Variants in NEO1 observed in about 807,000 individuals in gnomAD.
The protein encoded by NEO1 is neogenin.
Under a neutral mutation model 159.7 loss-of-function variants are expected in NEO1, and 63 were observed. The ratio of observed to expected loss-of-function variants is 0.39; its 90% confidence interval spans 0.32 to 0.49. The LOEUF (loss-of-function observed/expected upper bound fraction) is 0.49, where lower values mean the gene tolerates loss of function less well. Among genes scored for constraint, NEO1 ranks in the 20% least tolerant of loss-of-function variants. The pLI is 0.85. For synonymous variants in NEO1, 633 were observed against 662.0 expected, an observed-to-expected ratio of 0.96 and a Z score of 0.67; for missense variants, 1,615 against 1,831.0, an observed-to-expected ratio of 0.88 and a Z score of 2.15.
At chr15:73,130,241 T>A (rs2030910491) in intron 4 of NEO1, among the ~76,000 whole-genome samples, 1 of 152,034 alleles carries the variant, frequency 6.6e-6, no homozygotes, top group African/African-American at 2.4e-5. Context: ...CCCAAAATGC[T>A]GGGATTACAG....
At chr15:73,057,347 TA>T (rs1220584888) in intron 1 of NEO1, among the ~76,000 whole-genome samples, 1 of 152,214 alleles carries the variant, frequency 6.6e-6, no homozygotes, top group African/African-American at 2.4e-5. Flanking sequence ...AATCTCATTA[TA>T]TGGAGGCTGT....
intron 1 of NEO1, among the ~76,000 whole-genome samples, chr15:73,056,407 C>T (rs955749316): frequency 1.3e-5 from 2 of 152,222 alleles, no homozygotes; most frequent in Non-Finnish European, 2.9e-5. Context: ...TACTTTTCAT[C>T]TTCTGTTACT....
intron 18 of NEO1, 24 bp from the exon 19 acceptor site, chr15:73,272,431 A>G (rs768477164): frequency 4.5e-6 from 7 of 1,559,822 alleles, no homozygotes; most frequent in Non-Finnish European, 6.2e-6. Flanking sequence ...GACAGAAATT[A>G]TTAAAAATTT....
chr15:73,275,860 TA>T (rs1380326651), intron 21 of NEO1, among the ~76,000 whole-genome samples: 3 of 152,292 alleles, frequency 2.0e-5, no homozygotes, highest in South Asian at 4.1e-4. Context: ...GAATGAACAT[TA>T]AAAGTAAATT....
At chr15:73,229,796 T>A (rs1266469140) in intron 7 of NEO1, among the ~76,000 whole-genome samples, 1 of 152,174 alleles carries the variant, frequency 6.6e-6, no homozygotes, top group East Asian at 1.9e-4. Flanking sequence ...TCTAGTGAGA[T>A]AACTAGTGGT....
intron 1 of NEO1, among the ~76,000 whole-genome samples, chr15:73,093,578 T>C (rs568221779): frequency 2.0e-5 from 3 of 152,180 alleles, no homozygotes; most frequent in African/African-American, 7.2e-5. Flanking sequence ...TTCCTTTTTT[T>C]TTTTTTCTTT....
At chr15:73,299,171 C>T (rs2042503269) in intron 27 of NEO1, among the ~76,000 whole-genome samples, 1 of 152,112 alleles carries the variant, frequency 6.6e-6, no homozygotes, top group Non-Finnish European at 1.5e-5. Context: ...TAGAATAAGC[C>T]AGTGGTTTTC....
At chr15:73,245,404 A>C (rs2039735087) in intron 9 of NEO1, among the ~76,000 whole-genome samples, 3 of 152,180 alleles carry the variant, frequency 2.0e-5, no homozygotes, top group Admixed American at 2.0e-4. Context: ...CGTGAGTGTC[A>C]ATCAGGTTTA....
intron 1 of NEO1, among the ~76,000 whole-genome samples, chr15:73,115,634 A>G (rs1042698313): frequency 7.9e-5 from 12 of 152,196 alleles, no homozygotes; most frequent in Non-Finnish European, 1.5e-4. Flanking sequence ...TTTTCACATG[A>G]AGAAAGCTGA....
chr15:73,282,261 CGTTA>C (rs1486331892), intron 22 of NEO1, among the ~76,000 whole-genome samples: 1 of 152,086 alleles, frequency 6.6e-6, no homozygotes, highest in Non-Finnish European at 1.5e-5. Context: ...TTTTTCACAC[CGTTA>C]GTTATTAACT....
chr15:73,058,453 T>A (rs1037019404), intron 1 of NEO1, among the ~76,000 whole-genome samples: 1 of 152,214 alleles, frequency 6.6e-6, no homozygotes, highest in Non-Finnish European at 1.5e-5. Context: ...CTGCTGCTAA[T>A]TGTGTATTCT....
chr15:73,136,803 A>G (rs1427922154), intron 5 of NEO1, among the ~76,000 whole-genome samples: 2 of 152,096 alleles, frequency 1.3e-5, no homozygotes, highest in East Asian at 3.9e-4. Flanking sequence ...AGTGCTGGCT[A>G]GAGGTGACTA....
chr15:73,132,652 T>C (rs2031277422), intron 4 of NEO1, among the ~76,000 whole-genome samples: 1 of 152,096 alleles, frequency 6.6e-6, no homozygotes, highest in Non-Finnish European at 1.5e-5. Context: ...AAAGGACTAA[T>C]ATCCAGAAGC....
intron 7 of NEO1, among the ~76,000 whole-genome samples, chr15:73,234,528 G>A (rs964268787): frequency 6.6e-6 from 1 of 152,150 alleles, no homozygotes; most frequent in Admixed American, 6.5e-5. Context: ...AACTCTGAAA[G>A]CTGTGAATGA....
At chr15:73,102,104 C>G (rs566734503) in intron 1 of NEO1, among the ~76,000 whole-genome samples, 1 of 152,320 alleles carries the variant, frequency 6.6e-6, no homozygotes, top group South Asian at 2.1e-4. Context: ...TGCGGTGATT[C>G]ATGCCTGTAA....
chr15:73,225,897 C>T (rs1393207524), intron 7 of NEO1, among the ~76,000 whole-genome samples: 1 of 152,170 alleles, frequency 6.6e-6, no homozygotes, highest in East Asian at 1.9e-4. Flanking sequence ...CGGTTGCCCT[C>T]CCAAAGGATC....
At chr15:73,154,626 A>G (rs951896396) in intron 5 of NEO1, among the ~76,000 whole-genome samples, 3 of 152,172 alleles carry the variant, frequency 2.0e-5, no homozygotes, top group African/African-American at 7.2e-5. Context: ...TTCACTTAAC[A>G]TAACGACCTC....
chr15:73,068,653 C>T (rs1428912399), intron 1 of NEO1, among the ~76,000 whole-genome samples: 1 of 151,928 alleles, frequency 6.6e-6, no homozygotes, highest in Admixed American at 6.6e-5. Context: ...AGATTTTCCC[C>T]CTTGGTGTTT....
intron 1 of NEO1, among the ~76,000 whole-genome samples, chr15:73,108,759 G>C (rs1236653274): frequency 6.6e-6 from 1 of 152,308 alleles, no homozygotes; most frequent in East Asian, 1.9e-4. Context: ...CTCTGTAGAA[G>C]GGACAGTTTG....
Sources: allele counts gnomAD v4.1 joint callset (sites outside exome capture counted in the v4.1 genomes callset), GRCh38; gene constraint gnomAD v4.1.1; transcripts MANE v1.5; gene names NCBI Gene and HGNC (gene_info 2026-07-23, HGNC 2026-07-21).